ARHGEF28: variants seen among roughly 807,000 people sequenced by gnomAD.
ARHGEF28 encodes 190 kDa guanine nucleotide exchange factor.
Under a neutral mutation model 206.6 loss-of-function variants are expected in ARHGEF28, and 152 were observed. That is an observed-to-expected ratio of 0.74 (90% CI 0.64 to 0.84). ARHGEF28 has a LOEUF of 0.84. ARHGEF28 is among the 40% of genes least tolerant of loss of function. The pLI, the probability that ARHGEF28 is intolerant of heterozygous loss-of-function variation, is 0.00. For synonymous variants in ARHGEF28, 763 were observed against 776.4 expected (o/e 0.98, Z 0.29); for missense variants, 2,028 against 2,073.2 (o/e 0.98, Z 0.42).
At chr5:73,849,556 A>G (rs1481129813) in intron 13 of ARHGEF28, among the ~76,000 whole-genome samples, 1 of 152,114 alleles carries the variant, frequency 6.6e-6, no homozygotes, top group Non-Finnish European at 1.5e-5. Context: ...CATATTTGTA[A>G]CATGATTAAA....
chr5:73,936,553 A>G (rs1764429219), intron 35 of ARHGEF28, among the ~76,000 whole-genome samples: 1 of 152,188 alleles, frequency 6.6e-6, no homozygotes. Context: ...CAACTGTAAA[A>G]TTTCACACAT....
intron 27 of ARHGEF28, 118 bp downstream of exon 27, chr5:73,892,348 C>G: frequency 8.7e-7 from 1 of 1,145,646 alleles, no homozygotes; most frequent in Non-Finnish European, 1.2e-6. Context: ...GCCCCCTGCC[C>G]CCTGCACCTG....
intron 2 of ARHGEF28, among the ~76,000 whole-genome samples, chr5:73,707,439 T>C (rs1319730781): frequency 6.6e-6 from 1 of 152,198 alleles, no homozygotes; most frequent in Admixed American, 6.5e-5. Context: ...GGCATTCCTA[T>C]CTCAGTCTCA....
Position 73,909,709 on chromosome 5 carries a change from C to T in ARHGEF28, c.4459C>T (p.Leu1487=). 1 of 1,528,328 alleles carries T rather than the reference C, an allele frequency of 6.5e-7. No individual in the cohort carries two copies. The highest frequency in any genetic ancestry group is 1.4e-5 in the African/African-American group (1 of 72,812). The allele number at this position is 1,528,328 out of a possible 1,614,324, so 94.7% of individuals were successfully genotyped here. A position where few individuals can be genotyped will look rare whatever the true frequency, so the allele number is the denominator to read the frequency against. Residue 1487 remains leucine, a synonymous_variant, in exon 34 of 36, where the codon CTG becomes TTG. Transcript: ENST00000513042. ...GTGCCAGTCGCAGGAGGAGCTGCTG[C>T]TGCGGAGCCGGGGCGAGCTGGACCT... The part of the protein sequence containing the change: ...RECQSQEELL[L]RSRGELDLQL...
chr5:73,913,555 C>T (rs539629740), intron 35 of ARHGEF28, among the ~76,000 whole-genome samples: 61 of 152,294 alleles, frequency 4.0e-4, no homozygotes, highest in Admixed American at 5.9e-4. Context: ...TAGCTAGGCT[C>T]CGTGGGCGCT....
chr5:73,873,522 C>T (rs1290349535), intron 22 of ARHGEF28, among the ~76,000 whole-genome samples: 1 of 152,052 alleles, frequency 6.6e-6, no homozygotes, highest in Non-Finnish European at 1.5e-5. Flanking sequence ...CAGGAATTCA[C>T]CTGAATGTCA....
At chr5:73,681,574 G>A (rs543451229) in intron 1 of ARHGEF28, among the ~76,000 whole-genome samples, 27 of 152,130 alleles carry the variant, frequency 1.8e-4, no homozygotes, top group African/African-American at 5.8e-4. Context: ...TAGAACTTTG[G>A]GAGGCTGAGG....
At position 73,670,230 on chromosome 5, in the gene ARHGEF28, T is replaced by C. The variant is rs182284456; in HGVS notation, c.-11-14611T>C. On this transcript the variant is annotated intron_variant, in intron 1 of 35. Transcript: ENST00000513042. Reference sequence around the variant, plus strand: ...AAATTTTTCGTTTAAAAATATTATATATATGGAATTATACAGACTGTAACC... The same window carrying C: ...AAATTTTTCGTTTAAAAATATTATACATATGGAATTATACAGACTGTAACC... 1.8e-3 allele frequency among the ~76,000 whole-genome samples: 272 copies of C among 152,350 alleles called. 1 individual carries two copies. Among genetic ancestry groups the C allele is most frequent in the African/African-American group, 6.4e-3 (266 of 41,578 alleles).
At chr5:73,711,564 A>G (rs1014240793) in intron 2 of ARHGEF28, among the ~76,000 whole-genome samples, 1 of 152,174 alleles carries the variant, frequency 6.6e-6, no homozygotes, top group African/African-American at 2.4e-5. Flanking sequence ...TTATACATAA[A>G]CATTTTAATT....
chr5:73,891,753 G>C (rs1202613410), intron 26 of ARHGEF28, among the ~76,000 whole-genome samples: 2 of 152,052 alleles, frequency 1.3e-5, no homozygotes, highest in African/African-American at 4.8e-5. Context: ...TTGAACTGCT[G>C]ACCTCAAGTG....
intron 9 of ARHGEF28, among the ~76,000 whole-genome samples, chr5:73,807,232 C>A (rs1435545961): frequency 2.0e-5 from 3 of 152,018 alleles, no homozygotes; most frequent in African/African-American, 7.2e-5. Flanking sequence ...CCTCCAGGGC[C>A]CCTCACATCC....
intron 2 of ARHGEF28, among the ~76,000 whole-genome samples, chr5:73,736,491 A>G (rs1750942910): frequency 6.6e-6 from 1 of 152,220 alleles, no homozygotes; most frequent in South Asian, 2.1e-4. Flanking sequence ...GTAAGGAATT[A>G]ATGAGATAAT....
intron 1 of ARHGEF28, among the ~76,000 whole-genome samples, chr5:73,667,153 G>A (rs1017930493): frequency 2.7e-5 from 4 of 150,402 alleles, no homozygotes; most frequent in African/African-American, 4.9e-5. Flanking sequence ...TGTGGTTAGC[G>A]AGGGAGTGGG....
chr5:73,721,888 C>T (rs962119272), intron 2 of ARHGEF28, among the ~76,000 whole-genome samples: 3 of 152,178 alleles, frequency 2.0e-5, no homozygotes, highest in Admixed American at 6.6e-5. Flanking sequence ...TACCATCTGT[C>T]GGTATTCCCT....
chr5:73,897,312 T>A (rs545786832), intron 29 of ARHGEF28, among the ~76,000 whole-genome samples: 2 of 152,306 alleles, frequency 1.3e-5, no homozygotes, highest in East Asian at 3.9e-4. Flanking sequence ...TGTATGTCTC[T>A]TTCCTCCTCC....
chr5:73,794,371 C>G, intron 7 of ARHGEF28, 31 bp from the exon 8 acceptor site: 1 of 1,560,638 alleles, frequency 6.4e-7, no homozygotes, highest in Admixed American at 1.9e-5. Flanking sequence ...AAGCTCCCAT[C>G]AGCAGATCCT....
At chr5:73,648,317 A>G (rs1277516527) in intron 1 of ARHGEF28, among the ~76,000 whole-genome samples, 1 of 152,152 alleles carries the variant, frequency 6.6e-6, no homozygotes, top group African/African-American at 2.4e-5. Flanking sequence ...GCTTCTGTGG[A>G]GGGTGTTTCT....
intron 33 of ARHGEF28, chr5:73,905,234 A>G (rs1436117874): frequency 6.6e-6 from 1 of 151,992 alleles, no homozygotes; most frequent in Non-Finnish European, 1.5e-5. Flanking sequence ...CCTTATGAGA[A>G]TCTAATGCTT....
chr5:73,652,814 C>T (rs1388384728), intron 1 of ARHGEF28, among the ~76,000 whole-genome samples: 2 of 152,124 alleles, frequency 1.3e-5, no homozygotes, highest in Non-Finnish European at 2.9e-5. Flanking sequence ...GGAAACTGAG[C>T]TTTCAAGTGG....
Sources: gnomAD v4.1 joint callset for allele counts (sites outside exome capture counted in the v4.1 genomes callset) on GRCh38, gnomAD v4.1.1 for gene constraint, MANE v1.5 for transcripts, NCBI Gene and HGNC (gene_info 2026-07-23, HGNC 2026-07-21) for gene names.